SHANK2: variants seen among roughly 807,000 people sequenced by gnomAD.
SHANK2 encodes SH3 and multiple ankyrin repeat domains 2.
In SHANK2, 43 loss-of-function variants were observed where a neutral mutation model predicts 133.7. That is an observed-to-expected ratio of 0.32 (90% CI 0.25 to 0.41). SHANK2 has a LOEUF of 0.41. SHANK2 is among the 10% of genes least tolerant of loss of function. The pLI is 1.00. For synonymous variants in SHANK2, 1,017 were observed against 952.8 expected (o/e 1.07, Z -1.24); for missense variants, 1,994 against 2,235.8 (o/e 0.89, Z 2.18).
chr11:71,191,044 C>T (rs1030758872), intron 2 of SHANK2, among the ~76,000 whole-genome samples: 2 of 151,992 alleles, frequency 1.3e-5, no homozygotes, highest in South Asian at 2.1e-4. Flanking sequence ...CAGTGGCTCA[C>T]GCCTGTAATC....
At chr11:71,120,392 CTCTA>C (rs782510134) in intron 3 of SHANK2, among the ~76,000 whole-genome samples, 2 of 152,198 alleles carry the variant, frequency 1.3e-5, no homozygotes, top group South Asian at 2.1e-4. Flanking sequence ...CAAACCAATT[CTCTA>C]TCTGAGGATT....
intron 3 of SHANK2, among the ~76,000 whole-genome samples, chr11:71,124,131 G>GATGGTGATA (rs1391696723): frequency 9.9e-6 from 1 of 101,052 alleles, no homozygotes. Flanking sequence ...GATGGTGATT[G>GATGGTGATA]ATGGTGATAA....
At chr11:70,893,871 G>C (rs782806215) in intron 11 of SHANK2, among the ~76,000 whole-genome samples, 1 of 152,152 alleles carries the variant, frequency 6.6e-6, no homozygotes, top group African/African-American at 2.4e-5. Flanking sequence ...CTCAAACCTC[G>C]ATCCTGGCAC....
intron 17 of SHANK2, among the ~76,000 whole-genome samples, chr11:70,646,964 G>A (rs1426712389): frequency 2.6e-5 from 4 of 151,804 alleles, no homozygotes; most frequent in East Asian, 1.9e-4. Flanking sequence ...GGGTTCAAGC[G>A]GTTCTCCCTG....
At chr11:70,904,016 AC>A (rs1555077401) in intron 10 of SHANK2, among the ~76,000 whole-genome samples, 1 of 151,890 alleles carries the variant, frequency 6.6e-6, no homozygotes, top group Admixed American at 6.6e-5. Context: ...CTTCCTCCAA[AC>A]CCCTAATCTG....
intron 17 of SHANK2, among the ~76,000 whole-genome samples, chr11:70,554,268 C>A (rs1406242727): frequency 2.0e-5 from 3 of 152,132 alleles, no homozygotes; most frequent in African/African-American, 4.8e-5. Context: ...CTTTGATGAG[C>A]CCCCAAGGGG....
At chr11:70,613,987 A>C (rs1316541573) in intron 17 of SHANK2, among the ~76,000 whole-genome samples, 1 of 151,628 alleles carries the variant, frequency 6.6e-6, no homozygotes, top group Non-Finnish European at 1.5e-5. Flanking sequence ...CTAGTCTCCA[A>C]CTCCTGACCT....
At chr11:70,583,095 T>A (rs2060204497) in intron 17 of SHANK2, among the ~76,000 whole-genome samples, 2 of 152,096 alleles carry the variant, frequency 1.3e-5, no homozygotes, top group Non-Finnish European at 2.9e-5. Flanking sequence ...GCATGGTGCC[T>A]GGCCCTGGGG....
intron 17 of SHANK2, among the ~76,000 whole-genome samples, chr11:70,592,046 T>A (rs1233192742): frequency 7.0e-6 from 1 of 143,590 alleles, no homozygotes; most frequent in Non-Finnish European, 1.5e-5. Flanking sequence ...AAAAAATAAA[T>A]AAATAAAAAA....
chr11:71,103,188 T>A (rs918664289), intron 6 of SHANK2, among the ~76,000 whole-genome samples: 3 of 152,194 alleles, frequency 2.0e-5, no homozygotes, highest in Admixed American at 2.0e-4. Context: ...GGCCACCCAG[T>A]TGGGCTCTCA....
chr11:70,874,288 T>TATCTA (rs373740981), intron 11 of SHANK2, among the ~76,000 whole-genome samples: 1 of 148,950 alleles, frequency 6.7e-6, no homozygotes, highest in East Asian at 1.9e-4. Context: ...TAATCTAATC[T>TATCTA]ATCTAATCTA....
intron 17 of SHANK2, among the ~76,000 whole-genome samples, chr11:70,616,422 G>T (rs2060742680): frequency 6.6e-6 from 1 of 152,094 alleles, no homozygotes; most frequent in East Asian, 1.9e-4. Context: ...GAGATCAGAG[G>T]GTGAGCTGAG....
rs782750136 is a variant in SHANK2, at chr11:70,487,554, A to G, written c.2739T>C (p.Thr913=). Residue 913 remains threonine, a synonymous_variant, in exon 25 of 26, where the codon ACT becomes ACC. Coordinates refer to ENST00000601538, the MANE Select transcript of SHANK2 (RefSeq NM_012309.5). The surrounding 1 kb of genome is among the most constrained non-coding windows in gnomAD (Gnocchi z 5.8). ...GCTTAATCGTCCCGTAGACTCTTGG[A>G]GTTGGGGACTTGGGGCAGTTGTAAG... ...PTTYNCPKSP[T]PRVYGTIKPA... 10 of 1,608,004 alleles carry G rather than the reference A, an allele frequency of 6.2e-6. No homozygotes were observed. In the Admixed American group the frequency reaches 1.7e-4, roughly 27 times the overall value.
chr11:70,660,393 G>A (rs983056904), intron 16 of SHANK2, among the ~76,000 whole-genome samples: 3 of 152,234 alleles, frequency 2.0e-5, no homozygotes, highest in South Asian at 2.1e-4. Context: ...AACTTGGAAC[G>A]CGGACGGAAC....
chr11:71,244,428 C>T (rs1954934765), intron 1 of SHANK2, among the ~76,000 whole-genome samples: 2 of 152,088 alleles, frequency 1.3e-5, no homozygotes, highest in South Asian at 2.1e-4. Flanking sequence ...ACTGACAAGG[C>T]GGATCACACG....
chr11:70,671,369 G>A (rs532975549), intron 15 of SHANK2, among the ~76,000 whole-genome samples: 18 of 152,150 alleles, frequency 1.2e-4, no homozygotes, highest in Admixed American at 2.0e-4. Context: ...CACGCCCCTG[G>A]CCAAGTTCCT....
intron 14 of SHANK2, among the ~76,000 whole-genome samples, chr11:70,701,575 A>AT (rs60568104): frequency 3.8e-4 from 57 of 149,072 alleles, no homozygotes; most frequent in East Asian, 1.2e-3. Flanking sequence ...TAATTTTTAT[A>AT]TTTTTTTTTT....
chr11:70,937,689 T>C (rs1950590627), intron 10 of SHANK2, among the ~76,000 whole-genome samples: 1 of 152,214 alleles, frequency 6.6e-6, no homozygotes, highest in Admixed American at 6.5e-5. Context: ...GTGCATCTTT[T>C]TTTTTTTTCT....
chr11:70,879,000 G>A (rs1949615711), intron 11 of SHANK2, among the ~76,000 whole-genome samples: 1 of 152,162 alleles, frequency 6.6e-6, no homozygotes, highest in African/African-American at 2.4e-5. Flanking sequence ...GAAGGAAAAT[G>A]TTTCCTGAGG....
Sources: allele counts gnomAD v4.1 joint callset (sites outside exome capture counted in the v4.1 genomes callset), GRCh38; gene constraint gnomAD v4.1.1; non-coding constraint Gnocchi (gnomAD v3.1); transcripts MANE v1.5; gene names NCBI Gene and HGNC (gene_info 2026-07-23, HGNC 2026-07-21).